The following ANKRD30BL variants were observed in gnomAD, a reference collection of about 807,000 sequenced individuals.
The protein encoded by ANKRD30BL is putative ankyrin repeat domain-containing protein 30B-like.
Under a neutral mutation model 18.4 loss-of-function variants are expected in ANKRD30BL, and 20 were observed. That is an observed-to-expected ratio of 1.09 (90% CI 0.77 to 1.58). ANKRD30BL has a LOEUF of 1.58. Ranked by LOEUF, ANKRD30BL falls within the 40% of genes most tolerant of loss-of-function variation. The pLI is 0.00. For missense variants in ANKRD30BL, 224 were observed against 268.6 expected, an observed-to-expected ratio of 0.83 and a Z score of 1.16; for synonymous variants, 72 against 100.9, an observed-to-expected ratio of 0.71 and a Z score of 1.72.
rs1355686722 is a variant in ANKRD30BL at position 132,154,788 on chromosome 2, A to G, written c.508-20T>C. 1.5e-6 allele frequency: 1 copy of G among 679,864 alleles called. No individual in the cohort carries two copies. Among genetic ancestry groups the G allele is most frequent in the African/African-American group, 1.8e-5 (1 of 54,920 alleles). 42.1% of individuals were successfully genotyped at this position (679,864 alleles called of 1,614,324 possible). On this transcript the variant is annotated intron_variant, in intron 3 of 5. Coordinates refer to ENST00000409867, the MANE Select transcript of ANKRD30BL (RefSeq NM_001358416.1). ...GCCAGCCTGTAAAACAGCAAAAACA[A>G]TTTATAATTCATGAAATTACATATT...
intron 1 of ANKRD30BL, among the ~76,000 whole-genome samples, chr2:132,216,982 C>G (rs923827742): frequency 6.6e-6 from 1 of 152,078 alleles, no homozygotes; most frequent in African/African-American, 2.4e-5. Flanking sequence ...GAATTCAACT[C>G]ACAGAGTTGA....
chr2:132,203,224 G>A (rs1292712825), intron 1 of ANKRD30BL, among the ~76,000 whole-genome samples: 4 of 152,290 alleles, frequency 2.6e-5, no homozygotes, highest in Admixed American at 6.5e-5. Context: ...CAAGTTCAAG[G>A]AGCTTGGCTC....
chr2:132,199,978 T>C (rs950396329), intron 1 of ANKRD30BL, among the ~76,000 whole-genome samples: 2 of 152,194 alleles, frequency 1.3e-5, no homozygotes, highest in African/African-American at 4.8e-5. Flanking sequence ...TCAAGTGGGC[T>C]TCATCCCTGG....
At chr2:132,257,452 G>A in intron 1 of ANKRD30BL, 1 of 296,368 alleles carries the variant, frequency 3.4e-6, no homozygotes, top group South Asian at 2.7e-5. Context: ...GGGAAGGCGC[G>A]GGCCACACAG....
At chr2:132,168,809 T>G (rs1001361805) in intron 1 of ANKRD30BL, among the ~76,000 whole-genome samples, 1 of 151,566 alleles carries the variant, frequency 6.6e-6, no homozygotes, top group Non-Finnish European at 1.5e-5. Context: ...TACTTCACAA[T>G]GTATACATAC....
At chr2:132,202,583 T>C (rs992164204) in intron 1 of ANKRD30BL, among the ~76,000 whole-genome samples, 4 of 152,054 alleles carry the variant, frequency 2.6e-5, no homozygotes, top group Non-Finnish European at 4.4e-5. Flanking sequence ...TTTATTTATA[T>C]AAATGTGATA....
At chr2:132,203,180 C>G (rs1183306304) in intron 1 of ANKRD30BL, among the ~76,000 whole-genome samples, 1 of 152,398 alleles carries the variant, frequency 6.6e-6, no homozygotes, top group South Asian at 2.1e-4. Context: ...GGTACTGGGT[C>G]TGCAAAAGAC....
chr2:132,182,255 G>A (rs1688480467), intron 1 of ANKRD30BL, among the ~76,000 whole-genome samples: 1 of 152,090 alleles, frequency 6.6e-6, no homozygotes, highest in African/African-American at 2.4e-5. Context: ...GGCTGAGATG[G>A]GCAGATCACG....
At chr2:132,234,792 T>C (rs1680110392) in intron 1 of ANKRD30BL, among the ~76,000 whole-genome samples, 1 of 152,174 alleles carries the variant, frequency 6.6e-6, no homozygotes, top group Non-Finnish European at 1.5e-5. Flanking sequence ...TCTGAAACTA[T>C]TCCAATCAAT....
rs202099407 is a variant in ANKRD30BL at position 132,236,659 on chromosome 2, C to A, written n.441+20870G>T. 4.2e-3 allele frequency among the ~76,000 whole-genome samples: 636 copies of A among 152,010 alleles called. 1 individual carries two copies. The highest frequency in any genetic ancestry group is 8.6e-3 in the African/African-American group (356 of 41,510). ...GGAGACGATGTGGAGAAATAGGAACCCTTTTACACTGTTGGTGGGACTGTA... is the reference window on the plus strand; with the variant it reads ...GGAGACGATGTGGAGAAATAGGAACACTTTTACACTGTTGGTGGGACTGTA... On this transcript the variant is annotated intron_variant and non_coding_transcript_variant, in intron 1 of 4. Coordinates refer to the ANKRD30BL transcript ENST00000470729.
At chr2:132,243,233 A>G (rs1185877767) in intron 1 of ANKRD30BL, among the ~76,000 whole-genome samples, 1 of 151,360 alleles carries the variant, frequency 6.6e-6, no homozygotes. Flanking sequence ...TCACATAACA[A>G]ATAGGCAGAA....
At chr2:132,226,823 C>T (rs1392701476) in intron 1 of ANKRD30BL, among the ~76,000 whole-genome samples, 1 of 151,766 alleles carries the variant, frequency 6.6e-6, no homozygotes, top group Non-Finnish European at 1.5e-5. Context: ...TGTAAGTGGA[C>T]ATGTAAAGCG....
At chr2:132,204,614 A>G (rs1444559058) in intron 1 of ANKRD30BL, among the ~76,000 whole-genome samples, 14 of 152,138 alleles carry the variant, frequency 9.2e-5, no homozygotes, top group Non-Finnish European at 2.1e-4. Context: ...GATGTGATGA[A>G]TGACTAAATT....
At chr2:132,235,291 CCT>C (rs1267067224) in intron 1 of ANKRD30BL, among the ~76,000 whole-genome samples, 42 of 152,208 alleles carry the variant, frequency 2.8e-4, no homozygotes, top group African/African-American at 8.7e-4. Flanking sequence ...ACAGGGATGC[CCT>C]CTCTCACCAC....
intron 1 of ANKRD30BL, among the ~76,000 whole-genome samples, chr2:132,170,273 C>T (rs1251133035): frequency 6.6e-6 from 1 of 152,112 alleles, no homozygotes; most frequent in Non-Finnish European, 1.5e-5. Context: ...ATATTAGGCT[C>T]ACCGACGCTT....
intron 1 of ANKRD30BL, among the ~76,000 whole-genome samples, chr2:132,182,921 A>C (rs1688496352): frequency 6.6e-6 from 1 of 152,150 alleles, no homozygotes; most frequent in Non-Finnish European, 1.5e-5. Context: ...TTATCTAATA[A>C]ACAACTTTTC....
chr2:132,164,632 C>T (rs150829805), upstream of ANKRD30BL, among the ~76,000 whole-genome samples: 1 of 152,256 alleles, frequency 6.6e-6, no homozygotes, highest in East Asian at 1.9e-4. Context: ...GTTTTTCCCA[C>T]TCCCTAGAGT....
chr2:132,201,075 G>A (rs1679088279), intron 1 of ANKRD30BL, among the ~76,000 whole-genome samples: 1 of 152,070 alleles, frequency 6.6e-6, no homozygotes, highest in South Asian at 2.1e-4. Context: ...ATGGTTCTGG[G>A]AAAACTGGCT....
chr2:132,234,387 T>C (rs1311157243), intron 1 of ANKRD30BL, among the ~76,000 whole-genome samples: 1 of 151,910 alleles, frequency 6.6e-6, no homozygotes, highest in Non-Finnish European at 1.5e-5. Flanking sequence ...AAAAAATTAA[T>C]GAATCCAGGA....
Sources: gnomAD v4.1 joint callset for allele counts (sites outside exome capture counted in the v4.1 genomes callset) on GRCh38, gnomAD v4.1.1 for gene constraint, MANE v1.5 for transcripts, NCBI Gene and HGNC (gene_info 2026-07-23, HGNC 2026-07-21) for gene names.